PAK6: variants seen among roughly 807,000 people sequenced by gnomAD.
PAK6 encodes p21 (RAC1) activated kinase 6.
PAK6 carries 33 observed loss-of-function variants against 60.8 expected under a neutral mutation model. The observed-to-expected ratio is 0.54, with a 90% CI of 0.41 to 0.73. The LOEUF (loss-of-function observed/expected upper bound fraction) is 0.73, where lower values mean the gene tolerates loss of function less well. Ranked by LOEUF, PAK6 falls within the 30% of genes least tolerant of loss-of-function variation. The pLI is 0.00. For synonymous variants in PAK6, 404 were observed against 378.5 expected (o/e 1.07, Z -0.78); for missense variants, 845 against 904.1 (o/e 0.93, Z 0.84).
At chr15:40,251,208 GA>G (rs2038658383) in intron 2 of PAK6, 1 of 152,268 alleles carries the variant, frequency 6.6e-6, no homozygotes, top group Non-Finnish European at 1.5e-5. Context: ...ATGTGTTGGG[GA>G]TGTTGGGGAT....
At chr15:40,253,310 C>A (rs893026101) in intron 3 of PAK6, 21 bp downstream of exon 3, 1 of 454,708 alleles carries the variant, frequency 2.2e-6, no homozygotes, top group South Asian at 1.6e-5. Context: ...GAGCGGCCCC[C>A]GGCCCTAGAG....
intron 3 of PAK6, among the ~76,000 whole-genome samples, chr15:40,262,517 A>G (rs1329902684): frequency 7.3e-6 from 1 of 137,602 alleles, no homozygotes; most frequent in Non-Finnish European, 1.5e-5. Flanking sequence ...AAAAACAACA[A>G]CAACAACAAC....
At chr15:40,277,162 G>GT (rs1411965181) in exon 11 of PAK6, 1 of 152,274 alleles carries the variant, frequency 6.6e-6, no homozygotes, top group Non-Finnish European at 1.5e-5. Context: ...TTTCCATCAT[G>GT]TCAAGGTCAC....
At chr15:40,257,768 C>A (rs1040669154) in intron 3 of PAK6, among the ~76,000 whole-genome samples, 9 of 152,160 alleles carry the variant, frequency 5.9e-5, no homozygotes, top group African/African-American at 2.2e-4. Context: ...ATGGATGTCT[C>A]CTCTCCAGGG....
intron 2 of PAK6, among the ~76,000 whole-genome samples, chr15:40,243,878 G>A (rs1036343238): frequency 1.3e-5 from 2 of 152,182 alleles, no homozygotes; most frequent in African/African-American, 4.8e-5. Context: ...TACTCCTTTT[G>A]GGGACTGGAA....
At chr15:40,252,934 C>G in intron 2 of PAK6, 1 of 1,020,122 alleles carries the variant, frequency 9.8e-7, no homozygotes, top group Non-Finnish European at 1.2e-6. Context: ...GAGCTGGGGC[C>G]GGGTGGCCGC....
chr15:40,265,067 C>A (rs936216), intron 4 of PAK6, 78 bp downstream of exon 4: 984,740 of 1,328,168 alleles, frequency 0.74, 367,886 homozygotes, highest in East Asian at 0.8. Context: ...CTCAGAAAGG[C>A]CCCTGGAGGA....
At chr15:40,264,739 C>T (rs1301210798) in intron 3 of PAK6, 42 bp from the exon 4 acceptor site, 2 of 1,583,810 alleles carry the variant, frequency 1.3e-6, no homozygotes, top group Non-Finnish European at 1.7e-6. Flanking sequence ...GCAGCCACCC[C>T]TCTTTCCCGG....
chr15:40,252,805 G>T, intron 2 of PAK6: 1 of 1,297,404 alleles, frequency 7.7e-7, no homozygotes, highest in Non-Finnish European at 1.0e-6. Context: ...GGCGCCAGGC[G>T]AGGGGCCTTG....
rs528070812 is a variant in PAK6, at chr15:40,244,053, A to T, written c.-118+3372A>T. ...TTAGAAATGCCTAGTAATCGTGGGC[A>T]AGGTGCAGTGGCTCACGCCTGTAAT... On this transcript the variant is annotated intron_variant, in intron 2 of 10. Coordinates refer to ENST00000560346, the Ensembl canonical transcript of PAK6. 5.9e-5 allele frequency among the ~76,000 whole-genome samples: 9 copies of T among 152,346 alleles called. 1 individual carries two copies. The East Asian group carries it at 1.5e-3, about 26-fold the overall frequency.
At chr15:40,254,186 C>A (rs1422118677) in intron 3 of PAK6, among the ~76,000 whole-genome samples, 1 of 152,172 alleles carries the variant, frequency 6.6e-6, no homozygotes, top group African/African-American at 2.4e-5. Flanking sequence ...TATAAATGGC[C>A]TCATCTGTAA....
chr15:40,263,905 C>T, intron 3 of PAK6: 1 of 456,060 alleles, frequency 2.2e-6, no homozygotes, highest in Non-Finnish European at 4.4e-6. Flanking sequence ...GCATGAACCA[C>T]CATGCCCGGC....
At chr15:40,251,525 T>A (rs987911684) in intron 2 of PAK6, 1 of 152,504 alleles carries the variant, frequency 6.6e-6, no homozygotes, top group Non-Finnish European at 1.5e-5. Flanking sequence ...CATAGTGACC[T>A]CAGTTAATCA....
chr15:40,250,842 A>G (rs1157128462), intron 2 of PAK6: 2 of 152,522 alleles, frequency 1.3e-5, no homozygotes, highest in Non-Finnish European at 2.9e-5. Flanking sequence ...TAATGCTTTC[A>G]TTCTAGCTTT....
At chr15:40,270,882 C>T (rs898802106) in intron 5 of PAK6, among the ~76,000 whole-genome samples, 2 of 152,172 alleles carry the variant, frequency 1.3e-5, no homozygotes, top group Admixed American at 6.5e-5. Flanking sequence ...AGTAGAAGCC[C>T]TGAAGCTGCG....
chr15:40,264,007 T>A, intron 3 of PAK6: 1 of 452,612 alleles, frequency 2.2e-6, no homozygotes, highest in Non-Finnish European at 4.5e-6. Flanking sequence ...GCTTTACCCC[T>A]AAGTTAGCTG....
At chr15:40,247,373 A>T (rs2038523405) in intron 2 of PAK6, 1 of 152,156 alleles carries the variant, frequency 6.6e-6, no homozygotes, top group Non-Finnish European at 1.5e-5. Context: ...CGTCTCTAAA[A>T]TGAGTGTCCT....
chr15:40,262,521 C>T (rs1566851164), intron 3 of PAK6, among the ~76,000 whole-genome samples: 1 of 137,432 alleles, frequency 7.3e-6, no homozygotes, highest in South Asian at 2.5e-4. Flanking sequence ...ACAACAACAA[C>T]AACAACAAAC....
chr15:40,268,448 C>T (rs1374473636), intron 5 of PAK6, among the ~76,000 whole-genome samples: 1 of 152,224 alleles, frequency 6.6e-6, no homozygotes, highest in African/African-American at 2.4e-5. Flanking sequence ...AGAACCACTG[C>T]CTTAAGCAAA....
Sources: allele counts gnomAD v4.1 joint callset (sites outside exome capture counted in the v4.1 genomes callset), GRCh38; gene constraint gnomAD v4.1.1; transcripts MANE v1.5; gene names NCBI Gene and HGNC (gene_info 2026-07-23, HGNC 2026-07-21).